The following LHPP variants were observed in gnomAD, a reference collection of about 807,000 sequenced individuals.
The protein encoded by LHPP is phospholysine phosphohistidine inorganic pyrophosphate phosphatase, also known as hLHPP.
In LHPP, 24 loss-of-function variants were observed where a neutral mutation model predicts 30.3. That is an observed-to-expected ratio of 0.79 (90% confidence interval 0.57 to 1.11). LHPP has a LOEUF of 1.11. Among genes scored for constraint, LHPP ranks in the 50% most tolerant of loss-of-function variants. LHPP has a pLI of 0.00. For synonymous variants in LHPP, 150 were observed against 157.1 expected, an observed-to-expected ratio of 0.95 and a Z score of 0.34; for missense variants, 356 against 367.2, an observed-to-expected ratio of 0.97 and a Z score of 0.25.
At position 124,510,045 on chromosome 10, in the gene LHPP, C is replaced by A. The variant is rs570827764; in HGVS notation, c.625-7135C>A. ...CGACCCAGGACACCTGCCTCTGGGA[C>A]TGTGGCGCCTCCATCCGGCTCTCTG... is the stretch of plus-strand genomic sequence containing the variant. On this transcript the variant is annotated intron_variant, in intron 5 of 6. Coordinates refer to ENST00000368842, the MANE Select transcript of LHPP (RefSeq NM_022126.4). This position sits in a 1 kb window ranked among gnomAD's most constrained non-coding sequence, Gnocchi z 4.0. 6.6e-6 allele frequency among the ~76,000 whole-genome samples: 1 copy of A among 152,130 alleles called. No homozygotes were observed. The highest frequency in any genetic ancestry group is 1.5e-5 in the Non-Finnish European group (1 of 68,024).
intron 6 of LHPP, among the ~76,000 whole-genome samples, chr10:124,533,830 C>T (rs1278225528): frequency 1.3e-5 from 2 of 152,244 alleles, no homozygotes; most frequent in Admixed American, 1.3e-4. Flanking sequence ...AGCCCAGGGC[C>T]AGACCCCAAG....
At chr10:124,607,607 C>T (rs1949112487) in intron 6 of LHPP, among the ~76,000 whole-genome samples, 1 of 152,204 alleles carries the variant, frequency 6.6e-6, no homozygotes, top group African/African-American at 2.4e-5. Context: ...CCTCTCGGGG[C>T]TGGTTGCTTT....
chr10:124,596,977 C>T lies in LHPP; in HGVS notation c.717-16287C>T, dbSNP rs544126522. ...GGTGGGCACCATCTCATCGGCTGTC[C>T]TTGTGGCTGGAACAAAGCAGATGGA... On this transcript the variant is annotated intron_variant, in intron 6 of 6. Transcript: ENST00000368842. This position sits in a 1 kb window ranked among gnomAD's most constrained non-coding sequence, Gnocchi z 4.6. 1.3e-5 allele frequency among the ~76,000 whole-genome samples: 2 copies of T among 152,306 alleles called. No individual in the cohort carries two copies. The highest frequency in any genetic ancestry group is 4.1e-4 in the South Asian group (2 of 4,828).
chr10:124,539,085 G>A (rs183139227), intron 6 of LHPP, among the ~76,000 whole-genome samples: 2 of 152,266 alleles, frequency 1.3e-5, no homozygotes, highest in East Asian at 3.9e-4. Context: ...GAGAGAATCG[G>A]GTGATTTGAG....
intron 1 of LHPP, among the ~76,000 whole-genome samples, chr10:124,468,809 T>C (rs984827288): frequency 1.3e-5 from 2 of 152,166 alleles, no homozygotes; most frequent in Admixed American, 6.5e-5. Flanking sequence ...GGCCAGATCA[T>C]CACCCTCAGG....
chr10:124,567,744 CAT>C (rs1300119505), intron 6 of LHPP, among the ~76,000 whole-genome samples: 7 of 152,244 alleles, frequency 4.6e-5, no homozygotes, highest in African/African-American at 1.4e-4. Context: ...CATGCACACT[CAT>C]GTACTTACAC....
intron 6 of LHPP, among the ~76,000 whole-genome samples, chr10:124,534,942 A>C (rs11598732): frequency 0.12 from 17,682 of 152,246 alleles, 1,412 homozygotes; most frequent in Non-Finnish European, 0.16. Flanking sequence ...TCCATCTGAA[A>C]GATTTCGCCA....
chr10:124,573,825 C>T (rs370896101), intron 6 of LHPP, among the ~76,000 whole-genome samples: 22 of 152,122 alleles, frequency 1.4e-4, no homozygotes, highest in Non-Finnish European at 2.6e-4. Context: ...TCTTTGCAGC[C>T]AAGGAAAGTG....
At chr10:124,552,043 G>T (rs142747479) in intron 6 of LHPP, among the ~76,000 whole-genome samples, 1 of 151,978 alleles carries the variant, frequency 6.6e-6, no homozygotes, top group Non-Finnish European at 1.5e-5. Flanking sequence ...TCCAGGCTTC[G>T]TGGGACTTCC....
intron 6 of LHPP, among the ~76,000 whole-genome samples, chr10:124,595,876 C>A (rs1948935710): frequency 6.6e-6 from 1 of 152,196 alleles, no homozygotes; most frequent in Non-Finnish European, 1.5e-5. Context: ...TGAATCTGTA[C>A]ACACCGCTCT....
chr10:124,532,385 C>T (rs1954920818), intron 6 of LHPP, among the ~76,000 whole-genome samples: 1 of 152,218 alleles, frequency 6.6e-6, no homozygotes, highest in Admixed American at 6.5e-5. Flanking sequence ...CACACACATG[C>T]GTCCATGCTT....
Position 124,517,053 on chromosome 10 carries a change from G to T in LHPP, c.625-127G>T. The T allele has an allele frequency of 1.6e-6, 1 of 618,288 alleles. No individual in the cohort carries two copies. Among genetic ancestry groups the T allele is most frequent in the Non-Finnish European group, 2.8e-6 (1 of 360,690 alleles). The allele number at this position is 618,288 out of a possible 1,614,324, so 38.3% of individuals were successfully genotyped here. On this transcript the variant is annotated intron_variant, in intron 5 of 6. Coordinates refer to ENST00000368842, the MANE Select transcript of LHPP (RefSeq NM_022126.4). This position sits in a 1 kb window ranked among gnomAD's most constrained non-coding sequence, Gnocchi z 4.1. ...ATCAATACGATGACAATATTATCTT[G>T]TTTAATTTGTATGATGGTGGTTGTA...
At chr10:124,607,860 C>T (rs957497968) in intron 6 of LHPP, among the ~76,000 whole-genome samples, 1 of 152,216 alleles carries the variant, frequency 6.6e-6, no homozygotes, top group Non-Finnish European at 1.5e-5. Flanking sequence ...GCGGCCTCAG[C>T]CCCCGACTCC....
chr10:124,567,975 C>T (rs1948519538), intron 6 of LHPP, among the ~76,000 whole-genome samples: 1 of 152,178 alleles, frequency 6.6e-6, no homozygotes, highest in Non-Finnish European at 1.5e-5. Flanking sequence ...TGCAGTGGCG[C>T]GATCTCGGCT....
At chr10:124,535,097 G>A (rs1259531527) in intron 6 of LHPP, among the ~76,000 whole-genome samples, 1 of 152,224 alleles carries the variant, frequency 6.6e-6, no homozygotes, top group Non-Finnish European at 1.5e-5. Context: ...GCCACTGTGT[G>A]TGGCGATAGC....
chr10:124,515,516 G>A (rs1005945971), intron 5 of LHPP, among the ~76,000 whole-genome samples: 7 of 152,096 alleles, frequency 4.6e-5, no homozygotes, highest in African/African-American at 7.2e-5. Context: ...TTCTTTGCAC[G>A]TCTGATCATT....
intron 6 of LHPP, among the ~76,000 whole-genome samples, chr10:124,608,610 G>A (rs1026874844): frequency 6.6e-6 from 1 of 152,236 alleles, no homozygotes; most frequent in African/African-American, 2.4e-5. Flanking sequence ...TGAGGAAACT[G>A]AGGCAGAGAG....
chr10:124,594,884 G>A (rs1222090276), intron 6 of LHPP, among the ~76,000 whole-genome samples: 1 of 152,154 alleles, frequency 6.6e-6, no homozygotes, highest in Non-Finnish European at 1.5e-5. Context: ...ACCTGCCTCA[G>A]CTTCCCAAAG....
chr10:124,605,958 C>T (rs1949086941), intron 6 of LHPP, among the ~76,000 whole-genome samples: 1 of 152,124 alleles, frequency 6.6e-6, no homozygotes, highest in Admixed American at 6.5e-5. Context: ...GTCCTGCAGC[C>T]ACATGCCTCC....
Sources: allele counts gnomAD v4.1 joint callset (sites outside exome capture counted in the v4.1 genomes callset), GRCh38; gene constraint gnomAD v4.1.1; non-coding constraint Gnocchi (gnomAD v3.1); transcripts MANE v1.5; gene names NCBI Gene and HGNC (gene_info 2026-07-23, HGNC 2026-07-21).